The following E2F1 variants were observed in gnomAD, a reference collection of about 807,000 sequenced individuals.
The protein encoded by E2F1 is transcription factor E2F1.
Under a neutral mutation model 36.9 loss-of-function variants are expected in E2F1, and 7 were observed. That is an observed-to-expected ratio of 0.19 (90% confidence interval 0.11 to 0.36). The LOEUF (loss-of-function observed/expected upper bound fraction) is 0.36. E2F1 is among the 10% of genes least tolerant of loss of function. E2F1 has a pLI of 1.00. For synonymous variants in E2F1, 261 were observed against 263.1 expected, an observed-to-expected ratio of 0.99 and a Z score of 0.08; for missense variants, 406 against 573.6, an observed-to-expected ratio of 0.71 and a Z score of 2.99.
In E2F1 at chr20:33,676,929, G is replaced by A. The variant is rs915788985; in HGVS notation, c.1117C>T (p.Arg373Cys). ...GSLRAPVDED[R>C]LSPLVAADSL... ...TCGGCCGCCACCAGCGGGGACAGGC[G>A]GTCCTCGTCCACGGGAGCCCGCAGG... The change falls in exon 7 of 7, where the codon CGC becomes TGC. Residue 373 changes from arginine to cysteine, a missense_variant. Physicochemically the swap from Arg to Cys is radical, Grantham distance 180. Coordinates refer to ENST00000343380, the MANE Select transcript of E2F1 (RefSeq NM_005225.3). 34 of 1,565,164 alleles carry A rather than the reference G, an allele frequency of 2.2e-5. No individual in the cohort carries two copies. Among genetic ancestry groups the A allele is most frequent in the Middle Eastern group, 1.7e-4 (1 of 6,010 alleles).
Position 33,677,319 on chromosome 20 carries a change from G to T in E2F1, c.852C>A (p.Ile284=). Residue 284 remains isoleucine (I), a synonymous_variant, in exon 6 of 7, where the codon ATC becomes ATA. Coordinates refer to ENST00000343380, the MANE Select transcript of E2F1 (RefSeq NM_005225.3). Reference sequence around the variant, plus strand: ...TCGGGCCTTGTTTGCTCTTAAGGGAGATCTGAAAGTTCTGGGTGGAAGCAG... The same window carrying T: ...TCGGGCCTTGTTTGCTCTTAAGGGATATCTGAAAGTTCTGGGTGGAAGCAG... ...QAVDSSENFQ[I]SLKSKQGPID... The T allele has an allele frequency of 6.2e-7, 1 of 1,613,352 alleles. No homozygotes were observed. Among genetic ancestry groups the T allele is most frequent in the Non-Finnish European group, 8.5e-7 (1 of 1,179,466 alleles).
chr20:33,682,657 C>T (rs542520251), intron 1 of E2F1, among the ~76,000 whole-genome samples: 1 of 152,294 alleles, frequency 6.6e-6, no homozygotes, highest in East Asian at 1.9e-4. Context: ...CCATTTCTGC[C>T]ACTTCTCCCT....
Position 33,676,964 on chromosome 20 carries a change from C to G in E2F1, c.1082G>C (p.Arg361Pro), listed in dbSNP as rs778271263. 1 of 1,565,612 alleles carries G rather than the reference C, an allele frequency of 6.4e-7. No individual in the cohort carries two copies. Among genetic ancestry groups the G allele is most frequent in the Non-Finnish European group, 8.7e-7 (1 of 1,152,900 alleles). Residue 361 changes from arginine to proline, a missense_variant, in exon 7 of 7, where the codon CGG (arginine) becomes CCG (proline). This residue lies in a region of E2F1 where 163 missense variants were observed against 181.5 expected (regional missense o/e 0.90). Transcript: ENST00000343380. ...CACGGGAGCCCGCAGGCTGCCCATC[C>G]GGGACAACAGCGGTTCTGGGGAGAC... ...LSLEQEPLLS[R>P]MGSLRAPVDE...
chr20:33,680,995 T>C (rs900050429), intron 1 of E2F1, among the ~76,000 whole-genome samples: 15 of 152,234 alleles, frequency 9.9e-5, no homozygotes. Context: ...CCTGAATTCC[T>C]GACCCACAAA....
At chr20:33,680,573 TCA>T (rs984590327) in intron 1 of E2F1, among the ~76,000 whole-genome samples, 157 bp from the exon 2 acceptor site, 1 of 152,086 alleles carries the variant, frequency 6.6e-6, no homozygotes, top group African/African-American at 2.4e-5. Context: ...AGCCTGAGAG[TCA>T]CAGTCCTACC....
In E2F1 at chr20:33,676,432, G is replaced by C. The variant is rs777605474; in HGVS notation, c.*300C>G. ...GTGTCTGCAGTGCACACACAGAGGT[G>C]TATGTTCACCTTCATTCCCCGGTAC... On this transcript the variant is annotated 3_prime_UTR_variant, in exon 7 of 7. Coordinates refer to ENST00000343380, the MANE Select transcript of E2F1 (RefSeq NM_005225.3). 4 of 347,710 alleles carry C rather than the reference G, an allele frequency of 1.2e-5. No individual in the cohort carries two copies. The highest frequency in any genetic ancestry group is 2.1e-5 in the Non-Finnish European group (4 of 188,814). The allele number at this position is 347,710 out of a possible 1,614,324, so 21.5% of individuals were successfully genotyped here. A position where few individuals can be genotyped will look rare whatever the true frequency, so the allele number is the denominator to read the frequency against.
At position 33,677,156 on chromosome 20, in the gene E2F1, G is replaced by C. The variant is rs752029737; in HGVS notation, c.1015C>G (p.Pro339Ala). 2 of 1,614,160 alleles carry C rather than the reference G, an allele frequency of 1.2e-6. No homozygotes were observed. The highest frequency in any genetic ancestry group is 1.7e-6 in the Non-Finnish European group (2 of 1,180,008). Reference sequence around the variant, plus strand: ...CTGGGATCTGTGGTGAGGGATGAGGGGGGAGATGATGGTGGTGGTGACACT... The same window carrying C: ...CTGGGATCTGTGGTGAGGGATGAGGCGGGAGATGATGGTGGTGGTGACACT... ...TIVSPPPSSP[P>A]SSLTTDPSQS... Residue 339 changes from proline to alanine, a missense_variant, in exon 6 of 7, where the codon CCC becomes GCC. Coordinates refer to ENST00000343380, the MANE Select transcript of E2F1 (RefSeq NM_005225.3).
chr20:33,682,637 T>C (rs1196136839), intron 1 of E2F1, among the ~76,000 whole-genome samples: 1 of 152,168 alleles, frequency 6.6e-6, no homozygotes, highest in East Asian at 1.9e-4. Context: ...AACAAAGGCT[T>C]GAGTGGATGC....
rs1456122777 is a variant in E2F1 at position 33,676,672 on chromosome 20, G to T, written c.*60C>A. The T allele has an allele frequency of 1.3e-6, 2 of 1,523,530 alleles. No homozygotes were observed. The highest frequency in any genetic ancestry group is 1.8e-6 in the Non-Finnish European group (2 of 1,134,384). The allele number at this position is 1,523,530 out of a possible 1,614,324, so 94.4% of individuals were successfully genotyped here. On this transcript the variant is annotated 3_prime_UTR_variant, in exon 7 of 7. Transcript: ENST00000343380. Reference sequence around the variant, plus strand: ...CTGGGAGGACGGCCAGGGACAGGGGGCTCCAGGGCTGCAGAGACAAGGTGA... The same window carrying T: ...CTGGGAGGACGGCCAGGGACAGGGGTCTCCAGGGCTGCAGAGACAAGGTGA...
chr20:33,676,509 G>T lies in E2F1; in HGVS notation c.*223C>A. On this transcript the variant is annotated 3_prime_UTR_variant, in exon 7 of 7. Transcript: ENST00000343380. ...TCACCCCCGGTACACACGTGTGGGT[G>T]TAGGCTGCATGCACATACACACCAC... 2 of 574,722 alleles carry T rather than the reference G, an allele frequency of 3.5e-6. No homozygotes were observed. Among genetic ancestry groups the T allele is most frequent in the Non-Finnish European group, 5.9e-6 (2 of 338,564 alleles). 35.6% of individuals were successfully genotyped at this position (574,722 alleles called of 1,614,324 possible).
intron 1 of E2F1, among the ~76,000 whole-genome samples, chr20:33,684,569 C>A (rs534417452): frequency 6.6e-6 from 1 of 152,234 alleles, no homozygotes; most frequent in Non-Finnish European, 1.5e-5. Context: ...AAGATTCTAA[C>A]ATCTCTAGGC....
chr20:33,680,064 G>C (rs1320399746), intron 2 of E2F1, 90 bp from the exon 3 acceptor site: 13 of 1,152,730 alleles, frequency 1.1e-5, no homozygotes, highest in Non-Finnish European at 1.7e-5. Flanking sequence ...CAGGGCAGCA[G>C]GATGATGGGG....
In E2F1 at chr20:33,676,553, T is replaced by A. The variant is rs960482887; in HGVS notation, c.*179A>T. 1.1e-6 allele frequency: 1 copy of A among 885,548 alleles called. No individual in the cohort carries two copies. Among genetic ancestry groups the A allele is most frequent in the African/African-American group, 1.7e-5 (1 of 58,902 alleles). The allele number at this position is 885,548 out of a possible 1,614,324, so 54.9% of individuals were successfully genotyped here. The stretch of plus-strand genomic sequence containing the variant: ...ACACCACACAGACTCCTTCCCTTCC[T>A]GGCTTGCTCAGCCTCCTAGCGGTAG... On this transcript the variant is annotated 3_prime_UTR_variant, in exon 7 of 7. Transcript: ENST00000343380.
chr20:33,683,370 G>A (rs1333699285), intron 1 of E2F1, among the ~76,000 whole-genome samples: 4 of 143,892 alleles, frequency 2.8e-5, no homozygotes, highest in African/African-American at 1.1e-4. Flanking sequence ...AGAATCGCTT[G>A]AACCCAGGAG....
Position 33,675,795 on chromosome 20 carries a change from A to C in E2F1, c.*937T>G, listed in dbSNP as rs552309524. ...AGAGCAGTGGGGAGGCAGGCGCTTC[A>C]GACACTGCAGGAGGGACCACAGGGT... On this transcript the variant is annotated 3_prime_UTR_variant, in exon 7 of 7. Transcript: ENST00000343380. 9.7e-5 allele frequency: 18 copies of C among 185,144 alleles called. No individual in the cohort carries two copies. Among genetic ancestry groups the C allele is most frequent in the Non-Finnish European group, 1.8e-4 (16 of 88,834 alleles). The allele number at this position is 185,144 out of a possible 1,614,324, so 11.5% of individuals were successfully genotyped here.
In E2F1 at chr20:33,679,263, G is replaced by A. The variant is rs568324895; in HGVS notation, c.572+492C>T. Among the ~76,000 whole-genome samples, 156 of 152,342 alleles carry A rather than the reference G, an allele frequency of 1.0e-3. 2 individuals are homozygous for A. The highest frequency in any genetic ancestry group is 3.4e-3 in the Middle Eastern group (1 of 294). On this transcript the variant is annotated intron_variant, in intron 3 of 6. Transcript: ENST00000343380. The surrounding 1 kb of genome is among the most constrained non-coding windows in gnomAD (Gnocchi z 4.6). The stretch of plus-strand genomic sequence containing the variant: ...CAGATGAATAAATATATAAAGCTGC[G>A]CGGGGCGCAGTGGCTCATGCCTGTA...
At chr20:33,685,880 G>A (rs2018062928) in intron 1 of E2F1, 124 bp downstream of exon 1, 4 of 937,156 alleles carry the variant, frequency 4.3e-6, no homozygotes, top group Non-Finnish European at 5.2e-6. Flanking sequence ...GCACCGCCCA[G>A]CCTGGGCGCC....
In E2F1 at chr20:33,677,297, G is replaced by A; in HGVS notation, c.874C>T (p.Pro292Ser). Reference sequence around the variant, plus strand: ...TCAGGGCACAGGAAAACATCGATCGGGCCTTGTTTGCTCTTAAGGGAGATC... The same window carrying A: ...TCAGGGCACAGGAAAACATCGATCGAGCCTTGTTTGCTCTTAAGGGAGATC... ...FQISLKSKQG[P>S]IDVFLCPEET... Residue 292 changes from proline (P) to serine (S), a missense_variant, in exon 6 of 7, where the codon CCG (proline) becomes TCG (serine). By Grantham distance (74) the Pro-to-Ser change is moderately conservative. This residue lies in a region of E2F1 where 93 missense variants were observed against 143.3 expected (regional missense o/e 0.65). Transcript: ENST00000343380. 1 of 1,614,052 alleles carries A rather than the reference G, an allele frequency of 6.2e-7. No individual in the cohort carries two copies. The highest frequency in any genetic ancestry group is 8.5e-7 in the Non-Finnish European group (1 of 1,180,002).
intron 1 of E2F1, among the ~76,000 whole-genome samples, chr20:33,683,565 G>C (rs1200728672): frequency 6.6e-6 from 1 of 151,558 alleles, no homozygotes; most frequent in African/African-American, 2.4e-5. Flanking sequence ...CTGAACTCAG[G>C]AGTTCAAGAC....
Sources: gnomAD v4.1 joint callset for allele counts (sites outside exome capture counted in the v4.1 genomes callset) on GRCh38, gnomAD v4.1.1 for gene constraint, gnomAD v4.1.1 regional missense constraint, Gnocchi (gnomAD v3.1) non-coding constraint, MANE v1.5 for transcripts, NCBI Gene and HGNC (gene_info 2026-07-23, HGNC 2026-07-21) for gene names.